Variants in GLS observed in about 807,000 individuals in gnomAD.
GLS encodes glutaminase kidney isoform, mitochondrial.
Under a neutral mutation model 86.7 loss-of-function variants are expected in GLS, and 36 were observed. The ratio of observed to expected loss-of-function variants is 0.42; its 90% CI spans 0.32 to 0.55. The LOEUF (loss-of-function observed/expected upper bound fraction) is 0.55. GLS is among the 20% of genes least tolerant of loss of function. The pLI is 0.17. For missense variants in GLS, 528 were observed against 833.4 expected, an observed-to-expected ratio of 0.63 and a Z score of 4.51; for synonymous variants, 317 against 305.9, an observed-to-expected ratio of 1.04 and a Z score of -0.38.
intron 1 of GLS, chr2:190,881,768 C>A: frequency 3.4e-6 from 1 of 294,216 alleles, no homozygotes; most frequent in Non-Finnish European, 6.4e-6. Context: ...GCCAGAGAGG[C>A]CGCTCCCCTG....
chr2:190,901,216 A>G (rs943312633), intron 4 of GLS, among the ~76,000 whole-genome samples: 2 of 152,086 alleles, frequency 1.3e-5, no homozygotes, highest in African/African-American at 4.8e-5. Context: ...TTAACTACTT[A>G]TAACTACTGT....
chr2:190,911,335 G>C (rs1689352527), intron 7 of GLS, among the ~76,000 whole-genome samples: 1 of 151,948 alleles, frequency 6.6e-6, no homozygotes, highest in Admixed American at 6.6e-5. Context: ...TTATATCTGT[G>C]AGAAAAAGCT....
chr2:190,937,642 C>G (rs146996010), intron 14 of GLS, among the ~76,000 whole-genome samples: 1 of 151,286 alleles, frequency 6.6e-6, no homozygotes, highest in Admixed American at 6.6e-5. Context: ...TTTGCCATTT[C>G]TATTTTGTAG....
At chr2:190,889,662 G>C (rs978468885) in intron 1 of GLS, among the ~76,000 whole-genome samples, 3 of 152,086 alleles carry the variant, frequency 2.0e-5, no homozygotes, top group Non-Finnish European at 4.4e-5. Flanking sequence ...TTATAGACTT[G>C]ATCTCCCCAG....
At chr2:190,934,701 T>G (rs1690216385) in intron 14 of GLS, 2 of 959,196 alleles carry the variant, frequency 2.1e-6, no homozygotes, top group Non-Finnish European at 2.5e-6. Flanking sequence ...ATCGTATACA[T>G]AGCTGTATAG....
At chr2:190,959,680 G>A (rs1690953833) in intron 17 of GLS, among the ~76,000 whole-genome samples, 1 of 152,144 alleles carries the variant, frequency 6.6e-6, no homozygotes, top group African/African-American at 2.4e-5. Flanking sequence ...GCCAGTGATT[G>A]GTGAGGACAG....
At chr2:190,960,238 A>T (rs778922199) in intron 17 of GLS, among the ~76,000 whole-genome samples, 89 of 152,058 alleles carry the variant, frequency 5.9e-4, no homozygotes, top group Non-Finnish European at 1.1e-3. Flanking sequence ...AAAAACGCAT[A>T]CTTGATGGTG....
chr2:190,881,371 C>T lies in GLS; in HGVS notation c.287C>T (p.Pro96Leu). 1 of 1,539,740 alleles carries T rather than the reference C, an allele frequency of 6.5e-7. No individual in the cohort carries two copies. The highest frequency in any genetic ancestry group is 8.8e-7 in the Non-Finnish European group (1 of 1,142,676). Residue 96 changes from proline (P) to leucine (L), a missense_variant, in exon 1 of 18, where the codon CCA becomes CTA. This residue lies in a region of GLS where 224 missense variants were observed against 187.9 expected (regional missense o/e 1.19). Transcript: ENST00000320717. ...ACGCATCCGCAGCCCGGGGTGTCGC[C>T]ACCCGCTGCCCCGGCGGCGCCCGGC... is the stretch of plus-strand genomic sequence containing the variant. ...GSTHPQPGVSPPAAPAAPGPK... is the reference protein window; with the variant it reads ...GSTHPQPGVSLPAAPAAPGPK...
At chr2:190,948,041 TAAA>T (rs1335183740) in intron 14 of GLS, among the ~76,000 whole-genome samples, 1 of 152,230 alleles carries the variant, frequency 6.6e-6, no homozygotes, top group Non-Finnish European at 1.5e-5. Flanking sequence ...TATGTAAACT[TAAA>T]AGTATAGGGG....
chr2:190,934,748 A>G (rs571697385), intron 14 of GLS: 15 of 973,864 alleles, frequency 1.5e-5, no homozygotes, highest in South Asian at 9.5e-5. Flanking sequence ...GTCACTTACT[A>G]TTTTTGTGTT....
At chr2:190,910,356 A>AT in intron 7 of GLS, 35 bp downstream of exon 7, 1 of 1,251,674 alleles carries the variant, frequency 8.0e-7, no homozygotes, top group Non-Finnish European at 1.1e-6. Flanking sequence ...ACCTAGTAAA[A>AT]CTTTTTTTTT....
At position 190,949,585 on chromosome 2, in the gene GLS, C is replaced by T. The variant is rs1690664520; in HGVS notation, c.1651-3980C>T. Among the ~76,000 whole-genome samples the T allele has an allele frequency of 6.6e-6, 1 of 151,964 alleles. No homozygotes were observed. Among genetic ancestry groups the T allele is most frequent in the East Asian group, 1.9e-4 (1 of 5,188 alleles). ...GCACATGCCTGTAATCCCAGCTACT[C>T]CAGAGGCTGAGGTGGGAGAATCACT... On this transcript the variant is annotated intron_variant, in intron 14 of 17. Transcript: ENST00000320717. This position sits in a 1 kb window ranked among gnomAD's most constrained non-coding sequence, Gnocchi z 4.0.
rs1228466790 is a variant in GLS at position 190,949,734 on chromosome 2, A to G, written c.1651-3831A>G. 6.6e-6 allele frequency among the ~76,000 whole-genome samples: 1 copy of G among 152,032 alleles called. No individual in the cohort carries two copies. Among genetic ancestry groups the G allele is most frequent in the Non-Finnish European group, 1.5e-5 (1 of 67,996 alleles). On this transcript the variant is annotated intron_variant, in intron 14 of 17. Coordinates refer to ENST00000320717, the MANE Select transcript of GLS (RefSeq NM_014905.5). This position sits in a 1 kb window ranked among gnomAD's most constrained non-coding sequence, Gnocchi z 4.0. Reference sequence around the variant, plus strand: ...GGGTTGGGGGCCGATAGAGGAATTAATTTTGCAATTTAATACCCAAAATTG... The same window carrying G: ...GGGTTGGGGGCCGATAGAGGAATTAGTTTTGCAATTTAATACCCAAAATTG...
rs143705315 is a variant in GLS, at chr2:190,962,385, G to C, written c.1854-445G>C. ...TTTCTAGACTTCTGAGACTTACTGT[G>C]GCTTTGAATTGACACAAACACTAAT... On this transcript the variant is annotated intron_variant, in intron 17 of 17. Transcript: ENST00000320717. The surrounding 1 kb of genome is among the most constrained non-coding windows in gnomAD (Gnocchi z 4.2). Among the ~76,000 whole-genome samples, 1 of 152,130 alleles carries C rather than the reference G, an allele frequency of 6.6e-6. No homozygotes were observed. Among genetic ancestry groups the C allele is most frequent in the Non-Finnish European group, 1.5e-5 (1 of 68,032 alleles).
intron 6 of GLS, 93 bp from the exon 7 acceptor site, chr2:190,910,170 T>C: frequency 2.7e-6 from 2 of 741,728 alleles, no homozygotes; most frequent in South Asian, 1.8e-5. Context: ...TTGAGTACGT[T>C]AGCTGTGCTT....
chr2:190,888,352 T>C (rs1472524632), intron 1 of GLS, among the ~76,000 whole-genome samples: 1 of 152,230 alleles, frequency 6.6e-6, no homozygotes, highest in Non-Finnish European at 1.5e-5. Context: ...CTATGCTTGA[T>C]ATATCTCCCT....
chr2:190,929,108 A>G (rs1690012372), intron 12 of GLS, among the ~76,000 whole-genome samples: 1 of 151,172 alleles, frequency 6.6e-6, no homozygotes, highest in South Asian at 2.1e-4. Context: ...ATCCAGAGGT[A>G]CTGACTGACT....
Position 190,913,409 on chromosome 2 carries a change from C to T in GLS, c.1038+3088C>T. On this transcript the variant is annotated intron_variant, in intron 7 of 17. Transcript: ENST00000320717. This position sits in a 1 kb window ranked among gnomAD's most constrained non-coding sequence, Gnocchi z 6.1. The stretch of plus-strand genomic sequence containing the variant: ...CAAATGTAATTTTATACTTAAAATG[C>T]ACATAATTTTTAAAAATCATAAGGG... The T allele has an allele frequency of 1.1e-6, 1 of 926,322 alleles. No homozygotes were observed. The highest frequency in any genetic ancestry group is 1.4e-6 in the Non-Finnish European group (1 of 731,366). 57.4% of individuals were successfully genotyped at this position (926,322 alleles called of 1,614,324 possible).
chr2:190,882,546 C>G (rs1010060539), intron 1 of GLS, among the ~76,000 whole-genome samples: 4 of 152,146 alleles, frequency 2.6e-5, no homozygotes, highest in Non-Finnish European at 5.9e-5. Flanking sequence ...GCTGCTATTT[C>G]CAGCTCTAGA....
Sources: gnomAD v4.1 joint callset for allele counts (sites outside exome capture counted in the v4.1 genomes callset) on GRCh38, gnomAD v4.1.1 for gene constraint, gnomAD v4.1.1 regional missense constraint, Gnocchi (gnomAD v3.1) non-coding constraint, MANE v1.5 for transcripts, NCBI Gene and HGNC (gene_info 2026-07-23, HGNC 2026-07-21) for gene names.